The following CDCA2 variants were observed in gnomAD, a reference collection of about 807,000 sequenced individuals.
The protein encoded by CDCA2 is cell division cycle-associated protein 2.
A neutral mutation model predicts 67.0 loss-of-function variants in CDCA2; 44 were observed. The ratio of observed to expected loss-of-function variants is 0.66; its 90% CI spans 0.52 to 0.84. The LOEUF is 0.84. Among genes scored for constraint, CDCA2 ranks in the 40% least tolerant of loss-of-function variants. The pLI, the probability that CDCA2 is intolerant of heterozygous loss-of-function variation, is 0.00. For synonymous variants in CDCA2, 447 were observed against 418.7 expected (o/e 1.07, Z -0.82); for missense variants, 1,253 against 1,203.2 (o/e 1.04, Z -0.61).
intron 6 of CDCA2, 66 bp downstream of exon 6, chr8:25,468,479 C>T: frequency 7.7e-7 from 1 of 1,304,182 alleles, no homozygotes; most frequent in South Asian, 1.3e-5. Flanking sequence ...AGTTTTAAGG[C>T]TGTCAGTGCC....
intron 7 of CDCA2, among the ~76,000 whole-genome samples, chr8:25,471,890 A>C (rs1803167710): frequency 6.6e-6 from 1 of 152,218 alleles, no homozygotes; most frequent in African/African-American, 2.4e-5. Context: ...GAATAGATCT[A>C]CCATAGTAGA....
chr8:25,480,128 A>G lies in CDCA2; in HGVS notation c.1032+4A>G. 1.2e-6 allele frequency: 2 copies of G among 1,607,596 alleles called. No homozygotes were observed. The highest frequency in any genetic ancestry group is 1.7e-6 in the Non-Finnish European group (2 of 1,175,676). On this transcript the variant is annotated splice_donor_region_variant and intron_variant, in intron 8 of 14. Coordinates refer to ENST00000330560, the MANE Select transcript of CDCA2 (RefSeq NM_152562.4). ...GATGTGTCTAGAGAGCTTACAGGTAAGAAGAGAGTTAAATTTCCTAAAGCA... is the reference window on the plus strand; with the variant it reads ...GATGTGTCTAGAGAGCTTACAGGTAGGAAGAGAGTTAAATTTCCTAAAGCA...
intron 5 of CDCA2, 72 bp from the exon 6 acceptor site, chr8:25,468,137 AAAGAAAAG>A: frequency 1.7e-6 from 1 of 582,022 alleles, no homozygotes; most frequent in Non-Finnish European, 2.3e-6. Flanking sequence ...AAAAAAAAAA[AAAGAAAAG>A]AAAAAAAATA....
Position 25,483,979 on chromosome 8 carries a change from T to G in CDCA2, c.1134T>G (p.Asn378Lys), listed in dbSNP as rs1288657159. 1 of 1,613,170 alleles carries G rather than the reference T, an allele frequency of 6.2e-7. No homozygotes were observed. The highest frequency in any genetic ancestry group is 1.3e-5 in the African/African-American group (1 of 74,908). Residue 378 changes from asparagine (N) to lysine (K), a missense_variant, in exon 10 of 15, where the codon AAT becomes AAG. Coordinates refer to ENST00000330560, the MANE Select transcript of CDCA2 (RefSeq NM_152562.4). ...CKEKEAEDEE[N>K]FEAPAFLNMR... ...GTCTAATTATAGAAGATGAAGAAAA[T>G]TTTGAAGCACCTGCCTTTCTAAATA...
Position 25,506,806 on chromosome 8 carries a change from T to G in CDCA2, c.2140T>G (p.Cys714Gly). ...PKAGTDSPVSCASVTEERVAS... is the reference protein window; with the variant it reads ...PKAGTDSPVSGASVTEERVAS... ...AGCTGGAACTGACAGTCCTGTTTCTTGTGCTTCTGTAACTGAAGAACGTGT... is the reference window on the plus strand; with the variant it reads ...AGCTGGAACTGACAGTCCTGTTTCTGGTGCTTCTGTAACTGAAGAACGTGT... Residue 714 changes from cysteine (C) to glycine (G), a missense_variant, in exon 15 of 15, where the codon TGT (cysteine) becomes GGT (glycine). Physicochemically the swap from Cys to Gly is radical, Grantham distance 159. Coordinates refer to ENST00000330560, the MANE Select transcript of CDCA2 (RefSeq NM_152562.4). 1 of 1,614,096 alleles carries G rather than the reference T, an allele frequency of 6.2e-7. No individual in the cohort carries two copies.
intron 13 of CDCA2, 68 bp from the exon 14 acceptor site, chr8:25,503,301 CTAGT>C (rs1409855388): frequency 9.9e-6 from 11 of 1,107,294 alleles, no homozygotes; most frequent in African/African-American, 1.6e-5. Context: ...ATAAAAATAA[CTAGT>C]TAAAGGGTCA....
At chr8:25,499,431 A>G (rs1804383875) in intron 13 of CDCA2, among the ~76,000 whole-genome samples, 2 of 148,380 alleles carry the variant, frequency 1.3e-5, no homozygotes, top group Non-Finnish European at 3.0e-5. Flanking sequence ...AGGCTTCCCT[A>G]GTAGCTGGGA....
At chr8:25,498,453 AC>A (rs60633246) in intron 13 of CDCA2, among the ~76,000 whole-genome samples, 4,682 of 76,602 alleles carry the variant, frequency 0.061, 128 homozygotes, top group South Asian at 0.15. Flanking sequence ...GGTAATCTGC[AC>A]CCCCCCCCCG....
chr8:25,502,703 A>C (rs552362140), intron 13 of CDCA2, among the ~76,000 whole-genome samples: 2 of 152,182 alleles, frequency 1.3e-5, no homozygotes, highest in South Asian at 4.1e-4. Context: ...CTGAGTCATC[A>C]CAACTGTGCG....
At chr8:25,470,782 G>C (rs997592350) in intron 7 of CDCA2, among the ~76,000 whole-genome samples, 1 of 145,920 alleles carries the variant, frequency 6.9e-6, no homozygotes, top group South Asian at 2.2e-4. Flanking sequence ...TTTTTTTTAA[G>C]GCAGTTTCTT....
At chr8:25,467,468 C>A (rs578177238) in intron 5 of CDCA2, among the ~76,000 whole-genome samples, 5 of 152,174 alleles carry the variant, frequency 3.3e-5, no homozygotes, top group Non-Finnish European at 7.4e-5. Flanking sequence ...TTATTTACAT[C>A]ATTATAATTC....
rs578152185 is a variant in CDCA2 at position 25,481,006 on chromosome 8, A to G, written c.1032+882A>G. ...CAAACCATAAGCATTTTAACATACA[A>G]GTATGCCTACAAGCCTGTTCTGATT... On this transcript the variant is annotated intron_variant, in intron 8 of 14. Transcript: ENST00000330560. 4.6e-5 allele frequency among the ~76,000 whole-genome samples: 7 copies of G among 152,328 alleles called. No homozygotes were observed. The South Asian group carries it at 1.2e-3, about 27-fold the overall frequency.
intron 13 of CDCA2, among the ~76,000 whole-genome samples, chr8:25,497,502 A>T (rs1365674424): frequency 1.4e-3 from 43 of 30,856 alleles, no homozygotes; most frequent in East Asian, 0.013. Context: ...TAAAAAATAA[A>T]AAATAAAAAA....
chr8:25,476,493 A>G (rs1188950718), intron 7 of CDCA2, among the ~76,000 whole-genome samples: 3 of 151,794 alleles, frequency 2.0e-5, no homozygotes, highest in African/African-American at 4.8e-5. Flanking sequence ...GTATGTGTGT[A>G]TCTACCTTTG....
Position 25,468,242 on chromosome 8 carries a change from C to T in CDCA2, c.564C>T (p.Cys188=). 2.5e-6 allele frequency: 4 copies of T among 1,609,074 alleles called. No individual in the cohort carries two copies. Among genetic ancestry groups the T allele is most frequent in the Non-Finnish European group, 2.5e-6 (3 of 1,177,100 alleles). ...DLTRKEGLSA[C]QQSGFPAVLS... is the part of the protein sequence containing the mutation. ...CCAGAAAGGAAGGTCTCAGCGCTTG[C>T]CAGCAGTCTGGGTTCCCTGCAGTGT... The change falls in exon 6 of 15, where the codon TGC becomes TGT. Residue 188 remains cysteine, a synonymous_variant. Transcript: ENST00000330560.
chr8:25,503,563 G>T lies in CDCA2; in HGVS notation c.1843+19G>T. The T allele has an allele frequency of 6.4e-7, 1 of 1,574,580 alleles. No individual in the cohort carries two copies. Among genetic ancestry groups the T allele is most frequent in the East Asian group, 2.3e-5 (1 of 44,342 alleles). On this transcript the variant is annotated intron_variant, in intron 14 of 14. Coordinates refer to ENST00000330560, the MANE Select transcript of CDCA2 (RefSeq NM_152562.4). ...GGTTCAGGTATCCTGACATTTTCCT[G>T]GTAGTTATATTTTATCTTTTCTCTT...
At chr8:25,494,005 T>C (rs11996749) in intron 13 of CDCA2, among the ~76,000 whole-genome samples, 43,381 of 152,162 alleles carry the variant, frequency 0.29, 6,269 homozygotes, top group East Asian at 0.3. Context: ...TGCTCATCAA[T>C]ATGAGACTTG....
chr8:25,477,336 C>T (rs1803389693), intron 7 of CDCA2, among the ~76,000 whole-genome samples: 1 of 152,150 alleles, frequency 6.6e-6, no homozygotes, highest in Non-Finnish European at 1.5e-5. Flanking sequence ...TTTCTTTGCT[C>T]CTCTTCTTTC....
At chr8:25,485,070 AAG>A (rs1803714298) in intron 10 of CDCA2, among the ~76,000 whole-genome samples, 1 of 150,512 alleles carries the variant, frequency 6.6e-6, no homozygotes, top group East Asian at 2.0e-4. Flanking sequence ...TTAAAAGACT[AAG>A]ACAGAAATAC....
Sources: allele counts gnomAD v4.1 joint callset (sites outside exome capture counted in the v4.1 genomes callset), GRCh38; gene constraint gnomAD v4.1.1; transcripts MANE v1.5; gene names NCBI Gene and HGNC (gene_info 2026-07-23, HGNC 2026-07-21).